Variants in MMP26 observed in about 807,000 individuals in gnomAD.
MMP26 encodes matrix metalloproteinase-26.
In MMP26, 33 loss-of-function variants were observed where a neutral mutation model predicts 31.0. The observed-to-expected ratio is 1.06, with a 90% confidence interval of 0.81 to 1.42. The LOEUF is 1.42. Among genes scored for constraint, MMP26 ranks in the 40% most tolerant of loss-of-function variants. The pLI is 0.00. For synonymous variants in MMP26, 122 were observed against 114.9 expected (o/e 1.06, Z -0.40); for missense variants, 347 against 316.1 (o/e 1.10, Z -0.74).
intron 2 of MMP26, among the ~76,000 whole-genome samples, chr11:4,856,982 T>C (rs1268308400): frequency 6.6e-6 from 1 of 152,076 alleles, no homozygotes; most frequent in Non-Finnish European, 1.5e-5. Context: ...ACTGGGTACA[T>C]AACAAAATGA....
intron 2 of MMP26, among the ~76,000 whole-genome samples, chr11:4,865,791 T>A (rs1395540288): frequency 6.6e-6 from 1 of 151,954 alleles, no homozygotes; most frequent in Non-Finnish European, 1.5e-5. Context: ...GAAAACTCAG[T>A]AGGAAATAAA....
chr11:4,771,707 A>T (rs564203497), intron 2 of MMP26, among the ~76,000 whole-genome samples: 197 of 152,314 alleles, frequency 1.3e-3, no homozygotes, highest in Non-Finnish European at 2.1e-3. Flanking sequence ...TGTAGCAAGG[A>T]TACAAGTTAC....
At chr11:4,853,765 G>A (rs1209579478) in intron 2 of MMP26, among the ~76,000 whole-genome samples, 3 of 151,828 alleles carry the variant, frequency 2.0e-5, no homozygotes, top group African/African-American at 7.3e-5. Flanking sequence ...AAATAGAGAA[G>A]GATTTTATAA....
intron 2 of MMP26, among the ~76,000 whole-genome samples, chr11:4,926,363 G>A (rs1392653359): frequency 6.6e-6 from 1 of 152,164 alleles, no homozygotes; most frequent in African/African-American, 2.4e-5. Flanking sequence ...AGCAGTTTAG[G>A]CAGTGATGCA....
chr11:4,730,750 A>G (rs1848163344), intron 1 of MMP26, among the ~76,000 whole-genome samples: 2 of 152,174 alleles, frequency 1.3e-5, no homozygotes, highest in African/African-American at 4.8e-5. Flanking sequence ...CATACTAACC[A>G]TATGAGATGA....
At position 4,855,329 on chromosome 11, in the gene MMP26, A is replaced by T. The variant is rs187789510; in HGVS notation, c.-145+87988A>T. The stretch of plus-strand genomic sequence containing the variant: ...AAGAAGCTGAAAACCTTGAAAAAAG[A>T]TTAGATGAATGGCTAACTAGGATAA... On this transcript the variant is annotated intron_variant, in intron 2 of 7. Coordinates refer to ENST00000380390, the MANE Select transcript of MMP26 (RefSeq NM_021801.5). Among the ~76,000 whole-genome samples the T allele has an allele frequency of 7.6e-3, 1,154 of 152,310 alleles. 12 individuals are homozygous for T. The highest frequency in any genetic ancestry group is 0.027 in the African/African-American group (1,125 of 41,560).
At chr11:4,833,197 T>C (rs1849670209) in intron 2 of MMP26, 1 of 152,220 alleles carries the variant, frequency 6.6e-6, no homozygotes, top group Non-Finnish European at 1.5e-5. Context: ...AATTAATTAA[T>C]TGTTCAATCA....
intron 1 of MMP26, among the ~76,000 whole-genome samples, chr11:4,750,049 A>G (rs957950039): frequency 6.6e-6 from 1 of 152,166 alleles, no homozygotes. Context: ...AATGACTAAT[A>G]TTCAGAATCT....
At position 4,727,247 on chromosome 11, in the gene MMP26, G is replaced by T. The variant is rs891081084; in HGVS notation, c.-217+22202G>T. On this transcript the variant is annotated intron_variant, in intron 1 of 7. Coordinates refer to ENST00000380390, the MANE Select transcript of MMP26 (RefSeq NM_021801.5). Reference sequence around the variant, plus strand: ...AGGTAACATCCCATGCATACTGTTTGTTCATCAACTTTAGTTACGTTATAA... The same window carrying T: ...AGGTAACATCCCATGCATACTGTTTTTTCATCAACTTTAGTTACGTTATAA... 1.3e-4 allele frequency among the ~76,000 whole-genome samples: 20 copies of T among 152,094 alleles called. No individual in the cohort carries two copies. The East Asian group carries it at 1.5e-3, about 12-fold the overall frequency.
At chr11:4,857,917 C>T (rs575533496) in intron 2 of MMP26, among the ~76,000 whole-genome samples, 14 of 152,112 alleles carry the variant, frequency 9.2e-5, no homozygotes, top group African/African-American at 1.4e-4. Context: ...AAGGCTGGTT[C>T]GACATATGCA....
intron 1 of MMP26, chr11:4,710,614 A>G (rs1046158216): frequency 2.8e-6 from 1 of 353,676 alleles, no homozygotes; most frequent in Non-Finnish European, 5.6e-6. Context: ...GCTGGTTTCA[A>G]CATGCTTTCT....
intron 2 of MMP26, chr11:4,923,393 C>G (rs1276036561): frequency 6.4e-7 from 1 of 1,560,988 alleles, no homozygotes; most frequent in East Asian, 2.2e-5. Context: ...CCAAAAACAC[C>G]TAAGTGACTT....
At chr11:4,771,329 A>G (rs1848716780) in intron 2 of MMP26, among the ~76,000 whole-genome samples, 1 of 152,222 alleles carries the variant, frequency 6.6e-6, no homozygotes, top group African/African-American at 2.4e-5. Context: ...GACACTAGTA[A>G]GTGTCAAATA....
chr11:4,962,455 C>T (rs1846533319), intron 2 of MMP26, among the ~76,000 whole-genome samples: 1 of 152,044 alleles, frequency 6.6e-6, no homozygotes, highest in Non-Finnish European at 1.5e-5. Flanking sequence ...TGATTAGAAG[C>T]GTGCTGGGTT....
At chr11:4,812,936 A>G (rs566357146) in intron 2 of MMP26, among the ~76,000 whole-genome samples, 45 of 151,240 alleles carry the variant, frequency 3.0e-4, no homozygotes, top group Non-Finnish European at 6.0e-4. Context: ...TGGCATCCTG[A>G]GATTTTCTTT....
chr11:4,925,804 T>C lies in MMP26; in HGVS notation c.-144-62264T>C, dbSNP rs146087577. Reference sequence around the variant, plus strand: ...AAAAAAATGAAGTAGGACAAGTTTGTTTGTTTGTTTGTTTGTTTTTTAGAC... The same window carrying C: ...AAAAAAATGAAGTAGGACAAGTTTGCTTGTTTGTTTGTTTGTTTTTTAGAC... On this transcript the variant is annotated intron_variant, in intron 2 of 7. Coordinates refer to ENST00000380390, the MANE Select transcript of MMP26 (RefSeq NM_021801.5). Among the ~76,000 whole-genome samples the C allele has an allele frequency of 5.3e-3, 801 of 151,852 alleles. 3 individuals are homozygous for C. Among genetic ancestry groups the C allele is most frequent in the African/African-American group, 0.019 (769 of 41,444 alleles).
intron 2 of MMP26, chr11:4,955,703 A>T: frequency 6.4e-7 from 1 of 1,555,910 alleles, no homozygotes; most frequent in Non-Finnish European, 8.8e-7. Flanking sequence ...TGATGTGTTG[A>T]TAATGGACAT....
chr11:4,833,896 C>A (rs776103505), intron 2 of MMP26, among the ~76,000 whole-genome samples: 4 of 152,134 alleles, frequency 2.6e-5, no homozygotes, highest in African/African-American at 4.8e-5. Context: ...ATGCATATAT[C>A]TCTCTCACTA....
intron 2 of MMP26, among the ~76,000 whole-genome samples, chr11:4,933,183 T>C (rs187891114): frequency 7.2e-5 from 11 of 152,228 alleles, no homozygotes; most frequent in African/African-American, 2.4e-4. Flanking sequence ...GGTGACAATG[T>C]GTGTGTATTT....
Sources: gnomAD v4.1 joint callset for allele counts (sites outside exome capture counted in the v4.1 genomes callset) on GRCh38, gnomAD v4.1.1 for gene constraint, MANE v1.5 for transcripts, NCBI Gene and HGNC (gene_info 2026-07-23, HGNC 2026-07-21) for gene names.